The following SH3BGRL2 variants were observed in gnomAD, a reference collection of about 807,000 sequenced individuals.
The protein encoded by SH3BGRL2 is SH3 domain-binding glutamic acid-rich-like protein 2.
Under a neutral mutation model 14.8 loss-of-function variants are expected in SH3BGRL2, and 21 were observed. The ratio of observed to expected loss-of-function variants is 1.42; its 90% CI spans 1.01 to 2.05. SH3BGRL2 has a LOEUF of 2.05. Ranked by LOEUF, SH3BGRL2 falls within the 30% of genes most tolerant of loss-of-function variation. The probability of loss-of-function intolerance (pLI) is 0.00; values close to 1 mark genes in which losing one functional copy is unlikely to be tolerated. For missense variants in SH3BGRL2, 147 were observed against 130.8 expected, an observed-to-expected ratio of 1.12 and a Z score of -0.61; for synonymous variants, 50 against 47.8, an observed-to-expected ratio of 1.05 and a Z score of -0.19.
In SH3BGRL2 at chr6:79,636,975, A is replaced by G. The variant is rs550612900; in HGVS notation, c.45+5469A>G. 4.6e-5 allele frequency among the ~76,000 whole-genome samples: 7 copies of G among 152,252 alleles called. No individual in the cohort carries two copies. The South Asian group carries it at 1.5e-3, about 32-fold the overall frequency. ...TTAGGACCTCAGTATCTTTTGGGTGAGACATAACTCAACACATAATAGCAT... is the reference window on the plus strand; with the variant it reads ...TTAGGACCTCAGTATCTTTTGGGTGGGACATAACTCAACACATAATAGCAT... On this transcript the variant is annotated intron_variant, in intron 1 of 3. Transcript: ENST00000369838.
intron 1 of SH3BGRL2, among the ~76,000 whole-genome samples, chr6:79,654,904 C>G (rs1769373848): frequency 6.6e-6 from 1 of 152,148 alleles, no homozygotes; most frequent in Non-Finnish European, 1.5e-5. Flanking sequence ...TGTGGCAGTT[C>G]TTCCTTGTCT....
At chr6:79,697,196 C>CT (rs1246200427) in intron 3 of SH3BGRL2, among the ~76,000 whole-genome samples, 1 of 151,962 alleles carries the variant, frequency 6.6e-6, no homozygotes, top group African/African-American at 2.4e-5. Context: ...GATATTATTT[C>CT]TTTTTTTAAA....
At chr6:79,598,939 G>T in the SH3BGRL2 span, among the ~76,000 whole-genome samples, 1 of 151,890 alleles carries the variant, frequency 6.6e-6, no homozygotes, top group African/African-American at 2.4e-5. Flanking sequence ...AAATTAGCCG[G>T]GTGTGGTGGC....
At chr6:79,688,116 G>A (rs1770137888) in intron 2 of SH3BGRL2, among the ~76,000 whole-genome samples, 1 of 151,676 alleles carries the variant, frequency 6.6e-6, no homozygotes, top group Admixed American at 6.6e-5. Context: ...TCTACCTGTT[G>A]TAGATTTTAT....
At chr6:79,590,731 C>T in the SH3BGRL2 span, among the ~76,000 whole-genome samples, 1 of 151,792 alleles carries the variant, frequency 6.6e-6, no homozygotes, top group Non-Finnish European at 1.5e-5. Context: ...GTACTATGCT[C>T]AATACCTGGG....
At chr6:79,629,905 C>T (rs561439672), upstream of SH3BGRL2, among the ~76,000 whole-genome samples, 7 of 152,262 alleles carry the variant, frequency 4.6e-5, no homozygotes, top group South Asian at 1.5e-3. Context: ...ATCTTCATAG[C>T]TGAATAATTC....
At chr6:79,631,150 G>A, upstream of SH3BGRL2, 1 of 318,454 alleles carries the variant, frequency 3.1e-6, no homozygotes, top group Non-Finnish European at 5.7e-6. Flanking sequence ...ACCTGCGCGT[G>A]TTCGGGATAG....
At chr6:79,565,917 T>C in the SH3BGRL2 span, among the ~76,000 whole-genome samples, 1 of 152,232 alleles carries the variant, frequency 6.6e-6, no homozygotes, top group Admixed American at 6.5e-5. Context: ...AATTTCCTTC[T>C]ATCCAGCTGA....
chr6:79,689,516 C>A (rs1770166624), intron 2 of SH3BGRL2, among the ~76,000 whole-genome samples: 1 of 152,112 alleles, frequency 6.6e-6, no homozygotes, highest in South Asian at 2.1e-4. Context: ...GATAATGTTA[C>A]ATATTTTCTC....
At chr6:79,550,604 T>G in the SH3BGRL2 span, among the ~76,000 whole-genome samples, 3 of 152,232 alleles carry the variant, frequency 2.0e-5, no homozygotes, top group Non-Finnish European at 2.9e-5. Context: ...TCTTATAGAG[T>G]TAGCTTCATG....
intron 1 of SH3BGRL2, among the ~76,000 whole-genome samples, chr6:79,639,576 T>C (rs1768991771): frequency 6.6e-6 from 1 of 152,180 alleles, no homozygotes; most frequent in Non-Finnish European, 1.5e-5. Context: ...GGTGACAAAG[T>C]GAGACCTTGT....
chr6:79,594,696 G>A, the SH3BGRL2 span, among the ~76,000 whole-genome samples: 1 of 152,152 alleles, frequency 6.6e-6, no homozygotes, highest in African/African-American at 2.4e-5. Context: ...AGCTCCTCAA[G>A]AGCCATCAGC....
At chr6:79,684,361 CT>C (rs1033041194) in intron 2 of SH3BGRL2, among the ~76,000 whole-genome samples, 1 of 152,082 alleles carries the variant, frequency 6.6e-6, no homozygotes, top group Non-Finnish European at 1.5e-5. Context: ...CTTATTACTG[CT>C]AGTATGATAT....
chr6:79,552,055 A>C, the SH3BGRL2 span, among the ~76,000 whole-genome samples: 1 of 152,028 alleles, frequency 6.6e-6, no homozygotes, highest in African/African-American at 2.4e-5. Flanking sequence ...GTGCCACTTT[A>C]CTCCAGCCTG....
At position 79,699,616 on chromosome 6, in the gene SH3BGRL2, A is replaced by G; in HGVS notation, c.*107A>G. On this transcript the variant is annotated 3_prime_UTR_variant, in exon 4 of 4. Coordinates refer to ENST00000369838, the MANE Select transcript of SH3BGRL2 (RefSeq NM_031469.4). ...TGTGACAAAAGCCACACGCATTATC[A>G]GTAACTTTGCTTGCCACGGAAAAGG... is the stretch of plus-strand genomic sequence containing the variant. 1.5e-6 allele frequency: 2 copies of G among 1,356,122 alleles called. No homozygotes were observed. The highest frequency in any genetic ancestry group is 1.6e-5 in the African/African-American group (1 of 61,094). The allele number at this position is 1,356,122 out of a possible 1,614,324, so 84.0% of individuals were successfully genotyped here. A position where few individuals can be genotyped will look rare whatever the true frequency, so the allele number is the denominator to read the frequency against.
chr6:79,557,846 A>G, the SH3BGRL2 span, among the ~76,000 whole-genome samples: 1 of 152,188 alleles, frequency 6.6e-6, no homozygotes, highest in African/African-American at 2.4e-5. Context: ...AGATGCTCCC[A>G]GGAGAAGTTT....
intron 1 of SH3BGRL2, among the ~76,000 whole-genome samples, chr6:79,667,844 G>T (rs763544075): frequency 3.3e-5 from 5 of 152,040 alleles, no homozygotes; most frequent in African/African-American, 1.2e-4. Flanking sequence ...ATCTGTCAGG[G>T]TCAAAATTAA....
rs79096955 is a variant in SH3BGRL2, at chr6:79,691,145, C to A, written c.232-5340C>A. ...CTCCAGTCTGGGTGACAGAGTGAGA[C>A]CCTATCTCAACAACAACAAAAAAGA... On this transcript the variant is annotated intron_variant, in intron 2 of 3. Coordinates refer to ENST00000369838, the MANE Select transcript of SH3BGRL2 (RefSeq NM_031469.4). 1.3e-3 allele frequency among the ~76,000 whole-genome samples: 200 copies of A among 152,034 alleles called. 2 individuals carry two copies. The East Asian group carries it at 0.028, about 21-fold the overall frequency.
In SH3BGRL2 at chr6:79,696,466, T is replaced by G. The variant is rs1770334003; in HGVS notation, c.232-19T>G. 2 of 1,539,440 alleles carry G rather than the reference T, an allele frequency of 1.3e-6. No individual in the cohort carries two copies. The highest frequency in any genetic ancestry group is 4.7e-5 in the East Asian group (2 of 42,898). ...TGTTTGCTTTTGTTGGTTTATTTTC[T>G]GCTTCCCTTTTTTTCTAGGATTATG... On this transcript the variant is annotated intron_variant, in intron 2 of 3. Coordinates refer to ENST00000369838, the MANE Select transcript of SH3BGRL2 (RefSeq NM_031469.4).
Sources: allele counts gnomAD v4.1 joint callset (sites outside exome capture counted in the v4.1 genomes callset), GRCh38; gene constraint gnomAD v4.1.1; transcripts MANE v1.5; gene names NCBI Gene and HGNC (gene_info 2026-07-23, HGNC 2026-07-21).